The following SORBS2 variants were observed in gnomAD, a reference collection of about 807,000 sequenced individuals.
The protein encoded by SORBS2 is sorbin and SH3 domain containing 2.
SORBS2 carries 46 observed loss-of-function variants against 97.7 expected under a neutral mutation model. The observed-to-expected ratio is 0.47, with a 90% CI of 0.37 to 0.60. The LOEUF is 0.60. SORBS2 is among the 20% of genes least tolerant of loss of function. The pLI, the probability that SORBS2 is intolerant of heterozygous loss-of-function variation, is 0.00. For synonymous variants in SORBS2, 476 were observed against 473.4 expected (o/e 1.01, Z -0.07); for missense variants, 1,316 against 1,282.3 (o/e 1.03, Z -0.40).
At chr4:185,709,032 T>G (rs1465137446) in intron 2 of SORBS2, among the ~76,000 whole-genome samples, 1 of 152,258 alleles carries the variant, frequency 6.6e-6, no homozygotes, top group Non-Finnish European at 1.5e-5. Context: ...TTTTCTCTTT[T>G]TTTGAGACGG....
At chr4:185,744,162 T>G (rs958325095) in intron 2 of SORBS2, among the ~76,000 whole-genome samples, 1 of 151,726 alleles carries the variant, frequency 6.6e-6, no homozygotes, top group Admixed American at 6.6e-5. Flanking sequence ...CTTTTTTTGT[T>G]ATTTGATCTC....
chr4:185,618,686 A>T, intron 8 of SORBS2, 55 bp from the exon 21 acceptor site: 1 of 1,239,606 alleles, frequency 8.1e-7, no homozygotes, highest in Non-Finnish European at 1.1e-6. Context: ...TTTCTACAAG[A>T]AAGTAGTTTA....
intron 1 of SORBS2, among the ~76,000 whole-genome samples, chr4:185,809,306 C>G (rs1013173887): frequency 1.4e-5 from 2 of 144,336 alleles, no homozygotes; most frequent in South Asian, 2.2e-4. Flanking sequence ...GTTCAGCAGA[C>G]AGAAAGTCAG....
intron 1 of SORBS2, among the ~76,000 whole-genome samples, chr4:185,934,907 G>C (rs28561493): frequency 0.77 from 116,638 of 151,940 alleles, 44,855 homozygotes; most frequent in Middle Eastern, 0.86. Context: ...TCCCTAGACT[G>C]CTCAAGGAGA....
intron 1 of SORBS2, among the ~76,000 whole-genome samples, chr4:185,933,674 C>A (rs1291388792): frequency 2.0e-5 from 3 of 152,030 alleles, no homozygotes; most frequent in Non-Finnish European, 4.4e-5. Context: ...AACAAGGACA[C>A]CACTTATATT....
intron 8 of SORBS2, among the ~76,000 whole-genome samples, chr4:185,619,840 A>C (rs1257878732): frequency 6.6e-6 from 1 of 152,184 alleles, no homozygotes; most frequent in African/African-American, 2.4e-5. Flanking sequence ...CTCATGGCCA[A>C]AACTGGGCCA....
chr4:185,751,190 A>AAAAAAAAAAAAAAAAAAAAAAGAAAAAAG, intron 2 of SORBS2, among the ~76,000 whole-genome samples: 1 of 86,426 alleles, frequency 1.2e-5, no homozygotes, highest in Non-Finnish European at 2.5e-5. Context: ...AAAAAAAAAA[A>AAAAAAAAAAAAAAAAAAAAAAGAAAAAAG]AGAGAAAGAG....
chr4:185,791,770 T>C (rs1295659588), intron 1 of SORBS2, among the ~76,000 whole-genome samples: 1 of 152,082 alleles, frequency 6.6e-6, no homozygotes, highest in Non-Finnish European at 1.5e-5. Context: ...ATTTTCTTCT[T>C]TAGATCAGAG....
At position 185,948,302 on chromosome 4, in the gene SORBS2, T is replaced by C. The variant is rs115391725; in HGVS notation, c.-338+7894A>G. On this transcript the variant is annotated intron_variant, in intron 1 of 20. Transcript: ENST00000284776. ...CTTTTCAGGCATTTCTGGGCTTTGTTATAATTCCCTTCCTAAAATATTGGC... is the reference window on the plus strand; with the variant it reads ...CTTTTCAGGCATTTCTGGGCTTTGTCATAATTCCCTTCCTAAAATATTGGC... Among the ~76,000 whole-genome samples, 610 of 152,252 alleles carry C rather than the reference T, an allele frequency of 4.0e-3. 1 individual carries two copies. Among genetic ancestry groups the C allele is most frequent in the Non-Finnish European group, 6.2e-3 (424 of 68,020 alleles).
intron 1 of SORBS2, among the ~76,000 whole-genome samples, chr4:185,787,825 G>T (rs75054682): frequency 6.6e-6 from 1 of 152,122 alleles, no homozygotes; most frequent in African/African-American, 2.4e-5. Flanking sequence ...CTTTCAGGAC[G>T]AGTGTTATAG....
chr4:185,782,291 T>G (rs1362690869), intron 1 of SORBS2, among the ~76,000 whole-genome samples: 5 of 152,256 alleles, frequency 3.3e-5, no homozygotes. Context: ...TTAGAAGCTG[T>G]CTTAAGAGGC....
chr4:185,656,960 C>T, exon 1 of SORBS2: 1 of 1,135,824 alleles, frequency 8.8e-7, no homozygotes, highest in East Asian at 6.0e-5. Flanking sequence ...CACCTCCCAA[C>T]TCCCAAATCA....
intron 2 of SORBS2, chr4:185,757,179 C>T: frequency 2.8e-6 from 1 of 361,054 alleles, no homozygotes; most frequent in Non-Finnish European, 5.2e-6. Context: ...AAGTTTAGTC[C>T]ACTTCTTTGG....
upstream of SORBS2, among the ~76,000 whole-genome samples, chr4:185,661,276 GAA>G (rs3080187): frequency 0.011 from 1,572 of 141,228 alleles, 28 homozygotes; most frequent in African/African-American, 0.036. Flanking sequence ...ACTCCATCTT[GAA>G]AAAAAAAAAA....
At chr4:185,744,636 A>T (rs2098749226) in intron 2 of SORBS2, among the ~76,000 whole-genome samples, 1 of 152,242 alleles carries the variant, frequency 6.6e-6, no homozygotes, top group East Asian at 1.9e-4. Flanking sequence ...TTAATCTTTG[A>T]ATGTTCAGAA....
intron 11 of SORBS2, 46 bp downstream of exon 23, chr4:185,614,785 A>AGAAC (rs747370756): frequency 3.7e-6 from 6 of 1,606,970 alleles, no homozygotes; most frequent in Non-Finnish European, 5.1e-6. Context: ...AACCCACTGA[A>AGAAC]GAACAAACAA....
chr4:185,638,876 C>T lies in SORBS2; in HGVS notation c.396+7792G>A, dbSNP rs941276154. On this transcript the variant is annotated intron_variant, in intron 4 of 14. Coordinates refer to ENST00000418609, the Ensembl canonical transcript of SORBS2. ...GAAAGGTAAGGAAGGAAGGAGCTCA[C>T]CCGGGTGGGAGACAGAGCCGGGGCG... is the stretch of plus-strand genomic sequence containing the variant. 1.2e-4 allele frequency: 169 copies of T among 1,464,846 alleles called. 1 individual carries two copies. The highest frequency in any genetic ancestry group is 1.5e-4 in the Non-Finnish European group (167 of 1,112,604). 90.7% of individuals were successfully genotyped at this position (1,464,846 alleles called of 1,614,324 possible).
Position 185,806,509 on chromosome 4 carries a change from G to C in SORBS2, c.-337-31143C>G, listed in dbSNP as rs11132352. Among the ~76,000 whole-genome samples the C allele has an allele frequency of 1.7e-3, 228 of 131,164 alleles. 3 individuals carry two copies. The highest frequency in any genetic ancestry group is 0.015 in the Middle Eastern group (4 of 268). The allele number at this position is 131,164 out of a possible 152,430, so 86.0% of individuals were successfully genotyped here. On this transcript the variant is annotated intron_variant, in intron 1 of 20. Coordinates refer to the SORBS2 transcript ENST00000284776. ...GTCTCGCTCTGTCGCCCAGGCTGGA[G>C]TGCAGTGGCGGGATCTCGGCTCACT... is the stretch of plus-strand genomic sequence containing the variant.
At chr4:185,697,230 T>C (rs901186825) in intron 2 of SORBS2, among the ~76,000 whole-genome samples, 4 of 152,222 alleles carry the variant, frequency 2.6e-5, no homozygotes, top group African/African-American at 4.8e-5. Context: ...GAAGCAGATC[T>C]TTACCTTTGA....
Sources: gnomAD v4.1 joint callset for allele counts (sites outside exome capture counted in the v4.1 genomes callset) on GRCh38, gnomAD v4.1.1 for gene constraint, MANE v1.5 for transcripts, NCBI Gene and HGNC (gene_info 2026-07-23, HGNC 2026-07-21) for gene names.